HEATR3: variants seen among roughly 807,000 people sequenced by gnomAD.
HEATR3 encodes the protein HEAT repeat containing 3.
In HEATR3, 56 loss-of-function variants were observed where a neutral mutation model predicts 72.8. The ratio of observed to expected loss-of-function variants is 0.77; its 90% confidence interval spans 0.62 to 0.96. HEATR3 has a LOEUF of 0.96. Among genes scored for constraint, HEATR3 ranks in the 40% least tolerant of loss-of-function variants. HEATR3 has a pLI of 0.00. For missense variants in HEATR3, 747 were observed against 831.4 expected (o/e 0.90, Z 1.25); for synonymous variants, 331 against 318.1 (o/e 1.04, Z -0.43).
intron 3 of HEATR3, chr16:50,069,349 G>A (rs2036563450): frequency 6.3e-6 from 1 of 158,246 alleles, no homozygotes. Flanking sequence ...AAGAGGTTAA[G>A]GAGCTCTGTC....
chr16:50,078,844 T>G lies in HEATR3; in HGVS notation c.867T>G (p.Gly289=). The G allele has an allele frequency of 3.1e-6, 5 of 1,614,090 alleles. No individual in the cohort carries two copies. Among genetic ancestry groups the G allele is most frequent in the Non-Finnish European group, 3.4e-6 (4 of 1,180,028 alleles). ...CTGAAGTTTTGGGAATGGATGCTGGTGAAATGGTTATTCAAATGAAAGAGG... is the reference window on the plus strand; with the variant it reads ...CTGAAGTTTTGGGAATGGATGCTGGGGAAATGGTTATTCAAATGAAAGAGG... ...ILSEVLGMDA[G]EMVIQMKEAE... is the part of the protein sequence containing the mutation. Residue 289 remains glycine, a synonymous_variant, in exon 7 of 15, where the codon GGT becomes GGG. Coordinates refer to ENST00000299192, the MANE Select transcript of HEATR3 (RefSeq NM_182922.4).
In HEATR3 at chr16:50,086,265, C is replaced by G; in HGVS notation, c.1424C>G (p.Ser475Cys). ...RALFCLQSLV[S>C]LLDVEHLGGA... ...CTCTTCTGTCTCCAGAGTCTTGTGT[C>G]CCTCCTGGATGTGGAGCACCTGGGA... is the stretch of plus-strand genomic sequence containing the variant. Residue 475 changes from serine (S) to cysteine (C), a missense_variant, in exon 11 of 15, where the codon TCC (serine) becomes TGC (cysteine). By Grantham distance (112) the Ser-to-Cys change is moderately radical. Transcript: ENST00000299192. 6.3e-7 allele frequency: 1 copy of G among 1,583,378 alleles called. No homozygotes were observed. Among genetic ancestry groups the G allele is most frequent in the South Asian group, 1.1e-5 (1 of 87,468 alleles).
chr16:50,069,721 G>C (rs750877396), intron 3 of HEATR3, among the ~76,000 whole-genome samples: 1 of 152,196 alleles, frequency 6.6e-6, no homozygotes, highest in African/African-American at 2.4e-5. Flanking sequence ...AGGGGCTTAA[G>C]AGCACCAGCT....
Position 50,105,433 on chromosome 16 carries a change from G to T in HEATR3, c.*372G>T, listed in dbSNP as rs1423942074. ...GCTGAGATCACGCTACTGCACTCCAGCCTGGGTGACAGAGGGAGACCCTGT... is the reference window on the plus strand; with the variant it reads ...GCTGAGATCACGCTACTGCACTCCATCCTGGGTGACAGAGGGAGACCCTGT... On this transcript the variant is annotated 3_prime_UTR_variant, in exon 15 of 15. Transcript: ENST00000299192. 7.3e-6 allele frequency: 1 copy of T among 136,114 alleles called. No homozygotes were observed. Among genetic ancestry groups the T allele is most frequent in the East Asian group, 2.2e-4 (1 of 4,626 alleles). 8.4% of individuals were successfully genotyped at this position (136,114 alleles called of 1,614,324 possible).
chr16:50,103,435 G>T (rs1444380600), intron 14 of HEATR3, among the ~76,000 whole-genome samples: 1 of 152,176 alleles, frequency 6.6e-6, no homozygotes, highest in East Asian at 1.9e-4. Context: ...TGTGTTAAAG[G>T]CTATTCAGTG....
At chr16:50,098,543 C>T (rs1054031688) in intron 12 of HEATR3, among the ~76,000 whole-genome samples, 2 of 151,942 alleles carry the variant, frequency 1.3e-5, no homozygotes, top group Non-Finnish European at 2.9e-5. Context: ...GTAGTTCTGG[C>T]TACTCAGGAG....
In HEATR3 at chr16:50,066,557, C is replaced by G; in HGVS notation, c.311+18C>G. 6 of 1,281,438 alleles carry G rather than the reference C, an allele frequency of 4.7e-6. No homozygotes were observed. Among genetic ancestry groups the G allele is most frequent in the Non-Finnish European group, 5.9e-6 (6 of 1,017,508 alleles). The allele number at this position is 1,281,438 out of a possible 1,614,324, so 79.4% of individuals were successfully genotyped here. ...GCGCTGAGGTGAGCCAGGAAGGGTG[C>G]GGGGCGGTGCCCACCGCTGGCCTCC... On this transcript the variant is annotated intron_variant, in intron 2 of 14. Coordinates refer to ENST00000299192, the MANE Select transcript of HEATR3 (RefSeq NM_182922.4).
chr16:50,081,590 A>G (rs763367508), intron 7 of HEATR3, among the ~76,000 whole-genome samples: 3 of 152,262 alleles, frequency 2.0e-5, no homozygotes, highest in Admixed American at 6.5e-5. Context: ...CTGGATGATT[A>G]ACATGCTAGT....
At chr16:50,068,662 CAAT>C (rs1299150608) in intron 2 of HEATR3, 115 bp from the exon 3 acceptor site, 2 of 761,436 alleles carry the variant, frequency 2.6e-6, no homozygotes, top group East Asian at 2.5e-5. Context: ...ATGACAGAAA[CAAT>C]AAGCTATTTC....
rs5816672 is a variant in HEATR3 at position 50,083,917 on chromosome 16, C to CT, written c.1042-4dup. 0.012 allele frequency: 16,276 copies of CT among 1,391,366 alleles called. No individual in the cohort carries two copies. The highest frequency in any genetic ancestry group is 0.019 in the African/African-American group (1,278 of 67,562). The allele number at this position is 1,391,366 out of a possible 1,614,324, so 86.2% of individuals were successfully genotyped here. A position where few individuals can be genotyped will look rare whatever the true frequency, so the allele number is the denominator to read the frequency against. ...CCAACCATTGAGAGTTGGTCATTTA[C>CT]TTTTTTTTTTTTTTTTAAGCCCACT... is the stretch of plus-strand genomic sequence containing the variant. On this transcript the variant is annotated intron_variant, in intron 7 of 14. Transcript: ENST00000299192.
At position 50,070,183 on chromosome 16, in the gene HEATR3, T is replaced by A; in HGVS notation, c.405T>A (p.Ser135Arg). ...TPLVALLKEC[S>R]AGLDSNEMSL... is the part of the protein sequence containing the mutation. Reference sequence around the variant, plus strand: ...ATCATGATATTTGGTTACAGTGTAGTGCTGGACTGGATTCAAATGAGATGT... The same window carrying A: ...ATCATGATATTTGGTTACAGTGTAGAGCTGGACTGGATTCAAATGAGATGT... The change falls in exon 4 of 15, where the codon AGT becomes AGA. Residue 135 changes from serine to arginine, a missense_variant. By Grantham distance (110) the Ser-to-Arg change is moderately radical. Coordinates refer to ENST00000299192, the MANE Select transcript of HEATR3 (RefSeq NM_182922.4). 1 of 1,569,270 alleles carries A rather than the reference T, an allele frequency of 6.4e-7. No individual in the cohort carries two copies. The highest frequency in any genetic ancestry group is 8.8e-7 in the Non-Finnish European group (1 of 1,142,856).
rs1280519776 is a variant in HEATR3, at chr16:50,075,586, C to T, written c.638C>T (p.Thr213Ile). 6.2e-7 allele frequency: 1 copy of T among 1,612,876 alleles called. No homozygotes were observed. Among genetic ancestry groups the T allele is most frequent in the East Asian group, 2.2e-5 (1 of 44,860 alleles). Residue 213 changes from threonine (T) to isoleucine (I), a missense_variant, in exon 6 of 15, where the codon ACA (threonine) becomes ATA (isoleucine). Thr to Ile is a moderately conservative substitution (Grantham distance 89). This residue lies in a region of HEATR3 where 586 missense variants were observed against 708.8 expected (regional missense o/e 0.83). Transcript: ENST00000299192. Reference protein sequence around the residue: ...LAISVAYCLQTVTEDNPELLK... With the variant: ...LAISVAYCLQIVTEDNPELLK... ...TGCCTCGTAGCATATTGTTTGCAGA[C>T]AGTGACTGAGGATAACCCAGAGCTG...
chr16:50,100,229 G>C lies in HEATR3; in HGVS notation c.1600-1G>C. 6.2e-7 allele frequency: 1 copy of C among 1,613,236 alleles called. No individual in the cohort carries two copies. The highest frequency in any genetic ancestry group is 8.5e-7 in the Non-Finnish European group (1 of 1,179,676). On this transcript the variant is annotated splice_acceptor_variant, in intron 12 of 14. Transcript: ENST00000299192. LOFTEE classifies it high-confidence loss of function. ...AATACTGTCCTCTTCTCTTTTAACA[G>C]TGCATGACTCCTGATCAGCTGATGA...
At chr16:50,097,118 T>A (rs2037256696) in intron 12 of HEATR3, among the ~76,000 whole-genome samples, 1 of 152,076 alleles carries the variant, frequency 6.6e-6, no homozygotes, top group African/African-American at 2.4e-5. Flanking sequence ...CAGGTCCAGA[T>A]TTTTTGGCAA....
intron 10 of HEATR3, 24 bp from the exon 11 acceptor site, chr16:50,086,191 G>A: frequency 6.4e-7 from 1 of 1,559,500 alleles, no homozygotes. Flanking sequence ...AGAATCAGAT[G>A]GCATTGTTTC....
chr16:50,087,068 C>T (rs1350449369), intron 11 of HEATR3, among the ~76,000 whole-genome samples: 1 of 152,184 alleles, frequency 6.6e-6, no homozygotes, highest in East Asian at 1.9e-4. Context: ...TCCCTCCTTT[C>T]TCCGACACCC....
chr16:50,081,742 C>T (rs1203782630), intron 7 of HEATR3, among the ~76,000 whole-genome samples: 1 of 152,126 alleles, frequency 6.6e-6, no homozygotes, highest in Non-Finnish European at 1.5e-5. Flanking sequence ...GAAGGTATAA[C>T]CACAAAGATA....
chr16:50,077,103 T>C (rs1345864374), intron 6 of HEATR3, among the ~76,000 whole-genome samples: 1 of 152,100 alleles, frequency 6.6e-6, no homozygotes, highest in Admixed American at 6.5e-5. Context: ...CTTGATCTCC[T>C]GACCTTGTGA....
At chr16:50,088,164 C>A (rs1009164160) in intron 11 of HEATR3, among the ~76,000 whole-genome samples, 1 of 152,154 alleles carries the variant, frequency 6.6e-6, no homozygotes, top group Non-Finnish European at 1.5e-5. Context: ...TAACTAAATA[C>A]AAGTTTTTGT....
Sources: gnomAD v4.1 joint callset for allele counts (sites outside exome capture counted in the v4.1 genomes callset) on GRCh38, gnomAD v4.1.1 for gene constraint, gnomAD v4.1.1 regional missense constraint, MANE v1.5 for transcripts, NCBI Gene and HGNC (gene_info 2026-07-23, HGNC 2026-07-21) for gene names.